Variants in CSN1S1 observed in about 807,000 individuals in gnomAD.
CSN1S1 encodes the protein casein alpha s1.
CSN1S1 carries 63 observed loss-of-function variants against 49.1 expected under a neutral mutation model. The observed-to-expected ratio is 1.28, with a 90% confidence interval of 1.05 to 1.58. CSN1S1 has a LOEUF of 1.58. CSN1S1 is among the 40% of genes most tolerant of loss of function. The pLI, the probability that CSN1S1 is intolerant of heterozygous loss-of-function variation, is 0.00. For missense variants in CSN1S1, 260 were observed against 224.7 expected, an observed-to-expected ratio of 1.16 and a Z score of -1.01; for synonymous variants, 78 against 67.1, an observed-to-expected ratio of 1.16 and a Z score of -0.79.
intron 14 of CSN1S1, among the ~76,000 whole-genome samples, chr4:69,943,163 ATATTAT>A (rs3078677): frequency 0.089 from 12,824 of 144,708 alleles, 1,497 homozygotes; most frequent in African/African-American, 0.27. Flanking sequence ...TTCCATGTGA[ATATTAT>A]TATTATTATT....
chr4:69,939,747 A>T (rs1456113511), intron 10 of CSN1S1, among the ~76,000 whole-genome samples: 1 of 151,824 alleles, frequency 6.6e-6, no homozygotes, highest in Non-Finnish European at 1.5e-5. Context: ...CAACTCACTT[A>T]AGTGGGGTTT....
chr4:69,943,526 T>G (rs1258150280), intron 14 of CSN1S1, among the ~76,000 whole-genome samples: 1 of 152,050 alleles, frequency 6.6e-6, no homozygotes, highest in South Asian at 2.1e-4. Context: ...TATGCATTTT[T>G]CATATTAATG....
At chr4:69,941,662 C>A (rs986934898) in intron 12 of CSN1S1, among the ~76,000 whole-genome samples, 57 of 151,756 alleles carry the variant, frequency 3.8e-4, no homozygotes, top group African/African-American at 1.4e-3. Context: ...CATTTTTAAT[C>A]GTTATCAATA....
intron 11 of CSN1S1, 79 bp downstream of exon 11, chr4:69,940,123 A>T (rs1045199646): frequency 3.1e-5 from 15 of 489,772 alleles, no homozygotes; most frequent in South Asian, 1.0e-4. Context: ...ACACACACAC[A>T]CACACACACA....
At chr4:69,941,336 C>A (rs535839391) in intron 12 of CSN1S1, among the ~76,000 whole-genome samples, 88 of 151,824 alleles carry the variant, frequency 5.8e-4, no homozygotes, top group African/African-American at 1.9e-3. Context: ...CCACTTTTAA[C>A]CTCCCTGATG....
At chr4:69,943,144 GT>G (rs1362989688) in intron 14 of CSN1S1, among the ~76,000 whole-genome samples, 1 of 145,626 alleles carries the variant, frequency 6.9e-6, no homozygotes, top group Non-Finnish European at 1.5e-5. Flanking sequence ...GAATTACTTG[GT>G]CTTAATTTTC....
intron 11 of CSN1S1, 62 bp downstream of exon 11, chr4:69,940,106 T>A: frequency 5.2e-6 from 3 of 577,622 alleles, no homozygotes; most frequent in Admixed American, 3.9e-5. Flanking sequence ...AAAATGCACT[T>A]ACTTTCACAC....
chr4:69,939,108 A>C, intron 9 of CSN1S1, 68 bp from the exon 10 acceptor site: 2 of 1,150,066 alleles, frequency 1.7e-6, no homozygotes, highest in Non-Finnish European at 2.6e-6. Flanking sequence ...CCATGATGAC[A>C]TGGAACTAGT....
At chr4:69,939,667 A>G (rs1471847569) in intron 10 of CSN1S1, among the ~76,000 whole-genome samples, 1 of 151,728 alleles carries the variant, frequency 6.6e-6, no homozygotes, top group Non-Finnish European at 1.5e-5. Context: ...AAGTCAGCCT[A>G]CAAAAAAAGT....
chr4:69,937,755 C>G (rs1722835527), intron 8 of CSN1S1, 45 bp from the exon 9 acceptor site: 1 of 1,471,610 alleles, frequency 6.8e-7, no homozygotes, highest in Admixed American at 2.0e-5. Context: ...TTGTATTTGA[C>G]TATTTGTCAT....
At chr4:69,945,845 GTGTGTT>G (rs941658831) in intron 15 of CSN1S1, among the ~76,000 whole-genome samples, 3 of 94,704 alleles carry the variant, frequency 3.2e-5, no homozygotes, top group African/African-American at 1.3e-4. Context: ...GCTTCCAATT[GTGTGTT>G]TGTGTGTGTG....
At chr4:69,931,318 T>A (rs1214684534) in intron 1 of CSN1S1, among the ~76,000 whole-genome samples, 5 of 152,024 alleles carry the variant, frequency 3.3e-5, no homozygotes, top group African/African-American at 1.2e-4. Flanking sequence ...TACAGTTTTA[T>A]AAAAATACCA....
Position 69,942,069 on chromosome 4 carries a change from ATTAT to A in CSN1S1, c.360+12_360+15del, listed in dbSNP as rs1338048675. 2 of 1,443,192 alleles carry A rather than the reference ATTAT, an allele frequency of 1.4e-6. No individual in the cohort carries two copies. The highest frequency in any genetic ancestry group is 2.2e-5 in the Admixed American group (1 of 46,016). The allele number at this position is 1,443,192 out of a possible 1,614,324, so 89.4% of individuals were successfully genotyped here. ...AGCAAGCTGCCCATGCCCAGGTGAG[ATTAT>A]TTATTAAATCTAAAATATTTTAGTA... On this transcript the variant is annotated splice_region_variant and intron_variant, in intron 13 of 15. Coordinates refer to ENST00000246891, the MANE Select transcript of CSN1S1 (RefSeq NM_001890.2).
intron 3 of CSN1S1, 82 bp downstream of exon 3, chr4:69,934,326 A>G (rs1322181098): frequency 7.5e-7 from 1 of 1,330,834 alleles, no homozygotes; most frequent in African/African-American, 1.5e-5. Flanking sequence ...TTCTCTATGA[A>G]ACAGCCTGCT....
chr4:69,944,760 T>C lies in CSN1S1; in HGVS notation c.403-90T>C, dbSNP rs547141241. The C allele has an allele frequency of 5.7e-5, 75 of 1,311,936 alleles. 1 individual carries two copies. The South Asian group carries it at 9.6e-4, about 17-fold the overall frequency. 81.3% of individuals were successfully genotyped at this position (1,311,936 alleles called of 1,614,324 possible). A position where few individuals can be genotyped will look rare whatever the true frequency, so the allele number is the denominator to read the frequency against. On this transcript the variant is annotated intron_variant, in intron 14 of 15. Transcript: ENST00000246891. ...TTTTTTATCATGCTAACAGGCATCT[T>C]GGAAATGAATGAGATGTATTGATAT...
At chr4:69,933,268 T>C (rs577527840) in intron 2 of CSN1S1, among the ~76,000 whole-genome samples, 16 of 152,142 alleles carry the variant, frequency 1.1e-4, no homozygotes, top group South Asian at 1.0e-3. Context: ...TCTCTCCTGT[T>C]ATGTGTAGTT....
intron 14 of CSN1S1, among the ~76,000 whole-genome samples, chr4:69,943,106 C>T (rs1215729215): frequency 6.6e-6 from 1 of 150,610 alleles, no homozygotes; most frequent in Non-Finnish European, 1.5e-5. Flanking sequence ...AAAATAAAGG[C>T]AAGTATTCTC....
chr4:69,932,451 A>AT (rs1722636478), intron 1 of CSN1S1, 93 bp from the exon 2 acceptor site: 1 of 1,052,182 alleles, frequency 9.5e-7, no homozygotes, highest in Non-Finnish European at 1.4e-6. Context: ...TTTTATCATA[A>AT]TTTGCTCCTT....
intron 13 of CSN1S1, 133 bp from the exon 14 acceptor site, chr4:69,942,403 C>T: frequency 3.9e-6 from 3 of 767,242 alleles, no homozygotes; most frequent in South Asian, 3.8e-5. Flanking sequence ...ACATTTTTTG[C>T]TAACTGTGGC....
Sources: gnomAD v4.1 joint callset for allele counts (sites outside exome capture counted in the v4.1 genomes callset) on GRCh38, gnomAD v4.1.1 for gene constraint, MANE v1.5 for transcripts, NCBI Gene and HGNC (gene_info 2026-07-23, HGNC 2026-07-21) for gene names.